PDZD8: variants seen among roughly 807,000 people sequenced by gnomAD.
PDZD8 encodes PDZ domain-containing protein 8.
A neutral mutation model predicts 85.8 loss-of-function variants in PDZD8; 14 were observed. The ratio of observed to expected loss-of-function variants is 0.16; its 90% confidence interval spans 0.11 to 0.26. The LOEUF is 0.26. Among genes scored for constraint, PDZD8 ranks in the 10% least tolerant of loss-of-function variants. The pLI, the probability that PDZD8 is intolerant of heterozygous loss-of-function variation, is 1.00. For synonymous variants in PDZD8, 592 were observed against 568.6 expected (o/e 1.04, Z -0.59); for missense variants, 1,197 against 1,424.3 (o/e 0.84, Z 2.57).
At chr10:117,340,204 C>T (rs1447492343) in intron 2 of PDZD8, among the ~76,000 whole-genome samples, 1 of 152,136 alleles carries the variant, frequency 6.6e-6, no homozygotes, top group Non-Finnish European at 1.5e-5. Context: ...CTGAGTGTTT[C>T]CAATTATCAC....
intron 2 of PDZD8, among the ~76,000 whole-genome samples, chr10:117,333,821 A>G (rs1270491586): frequency 1.3e-5 from 2 of 152,208 alleles, no homozygotes; most frequent in Non-Finnish European, 2.9e-5. Context: ...TAATATGTGA[A>G]TCAAGACCAG....
chr10:117,333,822 T>A (rs1383134051), intron 2 of PDZD8, among the ~76,000 whole-genome samples: 1 of 152,202 alleles, frequency 6.6e-6, no homozygotes, highest in Non-Finnish European at 1.5e-5. Context: ...AATATGTGAA[T>A]CAAGACCAGA....
intron 3 of PDZD8, among the ~76,000 whole-genome samples, chr10:117,312,398 A>C (rs1449817017): frequency 6.6e-6 from 1 of 152,146 alleles, no homozygotes; most frequent in Non-Finnish European, 1.5e-5. Context: ...CAGGCAACTG[A>C]TAAAATCAGA....
chr10:117,370,791 G>GA (rs11369291), intron 1 of PDZD8, among the ~76,000 whole-genome samples: 35,052 of 151,232 alleles, frequency 0.23, 4,688 homozygotes, highest in East Asian at 0.44. Context: ...ACCAATTTAA[G>GA]AAAAAAAAAT....
intron 2 of PDZD8, among the ~76,000 whole-genome samples, chr10:117,320,354 A>C (rs192778309): frequency 2.6e-5 from 4 of 152,272 alleles, no homozygotes; most frequent in Non-Finnish European, 4.4e-5. Flanking sequence ...GACAGGTATA[A>C]ATCTTCAGAA....
chr10:117,322,844 T>C (rs145298217), intron 2 of PDZD8, among the ~76,000 whole-genome samples: 2 of 152,266 alleles, frequency 1.3e-5, no homozygotes, highest in African/African-American at 4.8e-5. Context: ...AACATAAAGT[T>C]GTCCAGCAGC....
At chr10:117,343,852 C>G (rs951556897) in intron 1 of PDZD8, among the ~76,000 whole-genome samples, 1 of 152,158 alleles carries the variant, frequency 6.6e-6, no homozygotes, top group African/African-American at 2.4e-5. Context: ...TAAATAGAAT[C>G]CACACATTAA....
chr10:117,284,854 G>C lies in PDZD8; in HGVS notation c.1879C>G (p.Leu627Val). ...EKPEKVVPPP[L>V]VDKSAEKQAK... ...TGCTTTTCAGCAGATTTATCTACAA[G>C]AGGAGGTGGCACCACCTTCTCTGGC... is the stretch of plus-strand genomic sequence containing the variant. Residue 627 changes from leucine to valine, a missense_variant, in exon 5 of 5, where the codon CTT (leucine) becomes GTT (valine). This residue lies in a region of PDZD8 where 263 missense variants were observed against 261.9 expected (regional missense o/e 1.00). Coordinates refer to ENST00000334464, the MANE Select transcript of PDZD8 (RefSeq NM_173791.5). 1 of 1,614,198 alleles carries C rather than the reference G, an allele frequency of 6.2e-7. No homozygotes were observed. Among genetic ancestry groups the C allele is most frequent in the Non-Finnish European group, 8.5e-7 (1 of 1,180,038 alleles).
intron 3 of PDZD8, among the ~76,000 whole-genome samples, chr10:117,318,223 TAG>T (rs1844164048): frequency 6.6e-6 from 1 of 152,226 alleles, no homozygotes; most frequent in East Asian, 1.9e-4. Flanking sequence ...GTCATCTCTT[TAG>T]AGTCCTATTA....
chr10:117,340,960 T>C lies in PDZD8; in HGVS notation c.995+20A>G, dbSNP rs1057019733. On this transcript the variant is annotated intron_variant, in intron 2 of 4. Transcript: ENST00000334464. ...CACTGTTCTTCCCGTAACTTAGTAA[T>C]GACAAAACAAAGAACATACCTGCTA... The C allele has an allele frequency of 2.5e-6, 4 of 1,613,364 alleles. No homozygotes were observed. The African/African-American group carries it at 5.3e-5, about 22-fold the overall frequency.
At position 117,374,497 on chromosome 10, in the gene PDZD8, GAGA is replaced by G; in HGVS notation, c.728_730del (p.Phe243del). 6.2e-7 allele frequency: 1 copy of G among 1,613,652 alleles called. No homozygotes were observed. The highest frequency in any genetic ancestry group is 8.5e-7 in the Non-Finnish European group (1 of 1,179,792). The stretch of plus-strand genomic sequence containing the variant: ...GTCGATCAGCGGGTCTTCCACGAAG[GAGA>G]AGAACCAGTGGGTGAAGGGCACGCG... On this transcript the variant is annotated inframe_deletion, in exon 1 of 5. Transcript: ENST00000334464. This position sits in a 1 kb window ranked among gnomAD's most constrained non-coding sequence, Gnocchi z 7.8.
At chr10:117,312,844 T>C (rs755430547) in intron 3 of PDZD8, among the ~76,000 whole-genome samples, 120 of 152,240 alleles carry the variant, frequency 7.9e-4, no homozygotes, top group Non-Finnish European at 1.5e-3. Flanking sequence ...TATCCAGTTC[T>C]GTTTTAAATT....
In PDZD8 at chr10:117,374,586, C is replaced by T. The variant is rs1272301259; in HGVS notation, c.642G>A (p.Lys214=). ...LAIDVDLVFG[K]SAYLFVKLSR... is the part of the protein sequence containing the mutation. ...ACAGCTTGACAAACAAGTAGGCGGACTTGCCGAAGACCAGGTCCACGTCGA... is the reference window on the plus strand; with the variant it reads ...ACAGCTTGACAAACAAGTAGGCGGATTTGCCGAAGACCAGGTCCACGTCGA... Residue 214 remains lysine, a synonymous_variant, in exon 1 of 5, where the codon AAG becomes AAA. Coordinates refer to ENST00000334464, the MANE Select transcript of PDZD8 (RefSeq NM_173791.5). This position sits in a 1 kb window ranked among gnomAD's most constrained non-coding sequence, Gnocchi z 7.8. The T allele has an allele frequency of 6.3e-7, 1 of 1,593,676 alleles. No individual in the cohort carries two copies. The highest frequency in any genetic ancestry group is 8.5e-7 in the Non-Finnish European group (1 of 1,169,698).
rs142080465 is a variant in PDZD8, at chr10:117,360,095, G to T, written c.872+14261C>A. ...GCATAGAATGATCAAGGTCCAAAATGCCTCACAATTTTCTAAAGCAGTTTT... is the reference window on the plus strand; with the variant it reads ...GCATAGAATGATCAAGGTCCAAAATTCCTCACAATTTTCTAAAGCAGTTTT... On this transcript the variant is annotated intron_variant, in intron 1 of 4. Transcript: ENST00000334464. 2.4e-3 allele frequency among the ~76,000 whole-genome samples: 370 copies of T among 152,162 alleles called. 1 individual carries two copies. The highest frequency in any genetic ancestry group is 8.6e-3 in the African/African-American group (356 of 41,516).
At chr10:117,348,871 C>T (rs2133859633) in intron 1 of PDZD8, among the ~76,000 whole-genome samples, 1 of 152,268 alleles carries the variant, frequency 6.6e-6, no homozygotes, top group South Asian at 2.1e-4. Context: ...TGATTACCAC[C>T]CTGTTTTCTG....
intron 1 of PDZD8, among the ~76,000 whole-genome samples, chr10:117,371,561 C>T (rs986224212): frequency 3.9e-5 from 6 of 152,188 alleles, no homozygotes; most frequent in African/African-American, 1.4e-4. Flanking sequence ...CCCTTTTCAT[C>T]GTCATACTTG....
At chr10:117,315,601 A>AAC (rs1554853453) in intron 3 of PDZD8, among the ~76,000 whole-genome samples, 15 of 136,800 alleles carry the variant, frequency 1.1e-4, no homozygotes, top group South Asian at 2.3e-4. Context: ...AAAAAAAAAA[A>AAC]AAAAAAAAAA....
intron 3 of PDZD8, among the ~76,000 whole-genome samples, chr10:117,293,685 T>C (rs188063275): frequency 6.6e-6 from 1 of 152,220 alleles, no homozygotes; most frequent in Non-Finnish European, 1.5e-5. Flanking sequence ...AAAAAATAAG[T>C]GGAGGCACAG....
chr10:117,329,459 C>A (rs1304248260), intron 2 of PDZD8, among the ~76,000 whole-genome samples: 1 of 151,926 alleles, frequency 6.6e-6, no homozygotes, highest in Non-Finnish European at 1.5e-5. Context: ...CCCATTTATA[C>A]CGGAGGTTGA....
Sources: allele counts gnomAD v4.1 joint callset (sites outside exome capture counted in the v4.1 genomes callset), GRCh38; gene constraint gnomAD v4.1.1; regional missense constraint gnomAD v4.1.1; non-coding constraint Gnocchi (gnomAD v3.1); transcripts MANE v1.5; gene names NCBI Gene and HGNC (gene_info 2026-07-23, HGNC 2026-07-21).